The following SDF4 variants were observed in gnomAD, a reference collection of about 807,000 sequenced individuals.
SDF4 encodes stromal cell derived factor 4, also known as 45 kDa calcium-binding protein.
SDF4 carries 22 observed loss-of-function variants against 34.2 expected under a neutral mutation model. That is an observed-to-expected ratio of 0.64 (90% CI 0.46 to 0.92). SDF4 has a LOEUF of 0.92. Among genes scored for constraint, SDF4 ranks in the 40% least tolerant of loss-of-function variants. The probability of loss-of-function intolerance (pLI) is 0.00; values close to 1 mark genes in which losing one functional copy is unlikely to be tolerated. For synonymous variants in SDF4, 236 were observed against 203.1 expected, an observed-to-expected ratio of 1.16 and a Z score of -1.38; for missense variants, 447 against 499.9, an observed-to-expected ratio of 0.89 and a Z score of 1.01.
At position 1,223,163 on chromosome 1, in the gene SDF4, G is replaced by A. The variant is rs545373057; in HGVS notation, c.556+81C>T. 2,045 of 961,306 alleles carry A rather than the reference G, an allele frequency of 2.1e-3. 28 individuals carry two copies. The African/African-American group carries it at 0.028, about 13-fold the overall frequency. 59.5% of individuals were successfully genotyped at this position (961,306 alleles called of 1,614,324 possible). On this transcript the variant is annotated intron_variant, in intron 4 of 6. Transcript: ENST00000360001. ...CGGCACACTCATACACGACACACACGGCACACTCATGTACACACAACACAC... is the reference window on the plus strand; with the variant it reads ...CGGCACACTCATACACGACACACACAGCACACTCATGTACACACAACACAC...
chr1:1,220,983 T>G (rs1649917608), intron 4 of SDF4: 1 of 355,510 alleles, frequency 2.8e-6, no homozygotes, highest in South Asian at 2.1e-5. Flanking sequence ...GGCCGGGCAC[T>G]GGGGCTTGTG....
Position 1,228,894 on chromosome 1 carries a change from G to C in SDF4, c.-122C>G. 3 of 921,564 alleles carry C rather than the reference G, an allele frequency of 3.3e-6. No individual in the cohort carries two copies. In the South Asian group the frequency reaches 5.0e-5, roughly 15 times the overall value. The allele number at this position is 921,564 out of a possible 1,614,324, so 57.1% of individuals were successfully genotyped here. A position where few individuals can be genotyped will look rare whatever the true frequency, so the allele number is the denominator to read the frequency against. On this transcript the variant is annotated 5_prime_UTR_variant, in exon 2 of 7. Transcript: ENST00000360001. ...TCCAATCCAATCCCCGGGCACCACGGAGGGCTCTGTGTCCCCAGGACGGCC... is the reference window on the plus strand; with the variant it reads ...TCCAATCCAATCCCCGGGCACCACGCAGGGCTCTGTGTCCCCAGGACGGCC...
intron 4 of SDF4, among the ~76,000 whole-genome samples, chr1:1,222,689 CCG>C (rs1420506364): frequency 3.3e-5 from 5 of 152,282 alleles, no homozygotes; most frequent in Non-Finnish European, 5.9e-5. Context: ...TGAGTAACGG[CCG>C]TGAAGGTGCC....
At chr1:1,228,017 G>C (rs1358983297) in intron 2 of SDF4, among the ~76,000 whole-genome samples, 1 of 152,240 alleles carries the variant, frequency 6.6e-6, no homozygotes, top group Non-Finnish European at 1.5e-5. Context: ...ACACAGGGTA[G>C]AGGGCGTGTC....
Position 1,218,378 on chromosome 1 carries a change from C to T in SDF4, c.891+80G>A, listed in dbSNP as rs141653296. ...GCCAGACACCAGCACAGCTTCCTGCCTCAGGCCCAGATCCACCAGCCCCTC... is the reference window on the plus strand; with the variant it reads ...GCCAGACACCAGCACAGCTTCCTGCTTCAGGCCCAGATCCACCAGCCCCTC... On this transcript the variant is annotated intron_variant, in intron 6 of 6. Transcript: ENST00000360001. This position sits in a 1 kb window ranked among gnomAD's most constrained non-coding sequence, Gnocchi z 7.9. 449 of 1,475,260 alleles carry T rather than the reference C, an allele frequency of 3.0e-4. 2 individuals carry two copies. In the East Asian group the frequency reaches 7.1e-3, roughly 23 times the overall value. 91.4% of individuals were successfully genotyped at this position (1,475,260 alleles called of 1,614,324 possible).
chr1:1,229,786 G>A (rs1430865416), intron 1 of SDF4, among the ~76,000 whole-genome samples: 1 of 152,140 alleles, frequency 6.6e-6, no homozygotes, highest in Non-Finnish European at 1.5e-5. Flanking sequence ...AGAAACAGGA[G>A]GCTCCCCCTC....
chr1:1,219,667 G>A, intron 4 of SDF4: 1 of 986,258 alleles, frequency 1.0e-6, no homozygotes, highest in Non-Finnish European at 1.2e-6. Flanking sequence ...GGCCCCAACG[G>A]GCCCTCACCC....
intron 4 of SDF4, chr1:1,220,882 G>A (rs1039261545): frequency 1.1e-5 from 7 of 639,336 alleles, no homozygotes; most frequent in African/African-American, 9.5e-5. Context: ...CAGGACAGCA[G>A]GGAACGCGGG....
chr1:1,220,449 G>A (rs1649874444), intron 4 of SDF4: 2 of 1,187,874 alleles, frequency 1.7e-6, no homozygotes, highest in Non-Finnish European at 1.1e-6. Context: ...GAGGTCGCAG[G>A]AGTGACGCCT....
intron 4 of SDF4, among the ~76,000 whole-genome samples, chr1:1,222,919 G>A (rs1284816453): frequency 6.6e-6 from 1 of 152,222 alleles, no homozygotes; most frequent in African/African-American, 2.4e-5. Flanking sequence ...ACAGCTACCT[G>A]GATGTACTCA....
rs186490776 is a variant in SDF4 at position 1,217,502 on chromosome 1, G to A, written c.*10C>T. 1.6e-4 allele frequency: 253 copies of A among 1,557,624 alleles called. 1 individual carries two copies. In the East Asian group the frequency reaches 2.8e-3, roughly 17 times the overall value. The stretch of plus-strand genomic sequence containing the variant: ...GTGCGTGGGGGGCGGCGCGGGGCGC[G>A]GCCGGGCGCTCAAAACTCCTCGTGC... On this transcript the variant is annotated 3_prime_UTR_variant, in exon 7 of 7. Transcript: ENST00000360001. This position sits in a 1 kb window ranked among gnomAD's most constrained non-coding sequence, Gnocchi z 8.5.
rs1649630910 is a variant in SDF4, at chr1:1,217,964, C to T, written c.892-276G>A. ...AAGGATCCCTAACCTGGGCCGGGCC[C>T]ACTGGCTGTCGCCAGGAATCACAGG... On this transcript the variant is annotated intron_variant, in intron 6 of 6. Coordinates refer to ENST00000360001, the MANE Select transcript of SDF4 (RefSeq NM_016176.6). The surrounding 1 kb of genome is among the most constrained non-coding windows in gnomAD (Gnocchi z 8.5). Among the ~76,000 whole-genome samples, 1 of 152,348 alleles carries T rather than the reference C, an allele frequency of 6.6e-6. No homozygotes were observed. The highest frequency in any genetic ancestry group is 1.9e-4 in the East Asian group (1 of 5,166).
rs996259110 is a variant in SDF4, at chr1:1,220,914, G to C, written c.557-1987C>G. 9.4e-6 allele frequency: 4 copies of C among 423,398 alleles called. No homozygotes were observed. The Admixed American group carries it at 9.6e-5, about 10-fold the overall frequency. The allele number at this position is 423,398 out of a possible 1,614,324, so 26.2% of individuals were successfully genotyped here. On this transcript the variant is annotated intron_variant, in intron 4 of 6. Transcript: ENST00000360001. ...CGGGACCGGGGTGGAGGCACGAACC[G>C]TGTGTGGGGAGGAAAATGTAAACCA...
intron 4 of SDF4, chr1:1,220,014 C>T (rs1167321190): frequency 1.0e-6 from 1 of 985,808 alleles, no homozygotes; most frequent in East Asian, 1.1e-4. Flanking sequence ...GTCTGCTCCA[C>T]CGCAGCTCCT....
intron 1 of SDF4, among the ~76,000 whole-genome samples, chr1:1,229,832 AC>A (rs1638437579): frequency 6.6e-6 from 1 of 152,188 alleles, no homozygotes; most frequent in Non-Finnish European, 1.5e-5. Context: ...AAGACAGCCA[AC>A]CCTAAGTGCA....
At chr1:1,221,792 C>T (rs563760352) in intron 4 of SDF4, among the ~76,000 whole-genome samples, 15 of 152,114 alleles carry the variant, frequency 9.9e-5, no homozygotes, top group Non-Finnish European at 1.5e-4. Flanking sequence ...AGAATCTATC[C>T]GTACAAAAAA....
At position 1,217,877 on chromosome 1, in the gene SDF4, C is replaced by A; in HGVS notation, c.892-189G>T. The A allele has an allele frequency of 2.8e-6, 4 of 1,448,726 alleles. No homozygotes were observed. Among genetic ancestry groups the A allele is most frequent in the Non-Finnish European group, 3.6e-6 (4 of 1,101,476 alleles). 89.7% of individuals were successfully genotyped at this position (1,448,726 alleles called of 1,614,324 possible). ...GGAGAAGCCGGGGGCCCCGGAAGGC[C>A]TGCCCGGGGCCAGCAGGGGTAACGG... On this transcript the variant is annotated intron_variant, in intron 6 of 6. Coordinates refer to ENST00000360001, the MANE Select transcript of SDF4 (RefSeq NM_016176.6). This position sits in a 1 kb window ranked among gnomAD's most constrained non-coding sequence, Gnocchi z 8.5.
At chr1:1,228,274 C>T (rs920834934) in intron 2 of SDF4, among the ~76,000 whole-genome samples, 194 bp downstream of exon 2, 1 of 152,246 alleles carries the variant, frequency 6.6e-6, no homozygotes, top group African/African-American at 2.4e-5. Flanking sequence ...ATTCAAGGAG[C>T]GGCTCTGGGC....
chr1:1,225,102 C>A (rs751423158), intron 2 of SDF4, among the ~76,000 whole-genome samples: 3 of 152,190 alleles, frequency 2.0e-5, no homozygotes, highest in Non-Finnish European at 4.4e-5. Context: ...CAGGTCACTC[C>A]CGTCCCAGCT....
Sources: allele counts gnomAD v4.1 joint callset (sites outside exome capture counted in the v4.1 genomes callset), GRCh38; gene constraint gnomAD v4.1.1; non-coding constraint Gnocchi (gnomAD v3.1); transcripts MANE v1.5; gene names NCBI Gene and HGNC (gene_info 2026-07-23, HGNC 2026-07-21).